The following ADAP1 variants were observed in gnomAD, a reference collection of about 807,000 sequenced individuals.
ADAP1 encodes the protein ArfGAP with dual PH domains 1, also known as arf-GAP with dual PH domain-containing protein 1.
Under a neutral mutation model 54.9 loss-of-function variants are expected in ADAP1, and 31 were observed. That is an observed-to-expected ratio of 0.56 (90% CI 0.42 to 0.76). ADAP1 has a LOEUF of 0.76. Ranked by LOEUF, ADAP1 falls within the 30% of genes least tolerant of loss-of-function variation. The probability of loss-of-function intolerance (pLI) is 0.00; values close to 1 mark genes in which losing one functional copy is unlikely to be tolerated. For missense variants in ADAP1, 535 were observed against 512.4 expected (o/e 1.04, Z -0.42); for synonymous variants, 313 against 202.6 (o/e 1.55, Z -4.63).
Position 935,321 on chromosome 7 carries a change from G to A in ADAP1, c.213+54C>T, listed in dbSNP as rs1002849728. 131 of 1,535,632 alleles carry A rather than the reference G, an allele frequency of 8.5e-5. 1 individual carries two copies. In the East Asian group the frequency reaches 2.4e-3, roughly 28 times the overall value. ...CCGGCATCTCTGGCTCCAGAGGCCCGGGCTGAGGCCACCCGGGGACTGCGC... is the reference window on the plus strand; with the variant it reads ...CCGGCATCTCTGGCTCCAGAGGCCCAGGCTGAGGCCACCCGGGGACTGCGC... On this transcript the variant is annotated intron_variant, in intron 2 of 10. Coordinates refer to ENST00000265846, the MANE Select transcript of ADAP1 (RefSeq NM_006869.4).
intron 4 of ADAP1, among the ~76,000 whole-genome samples, chr7:907,212 C>T (rs1845505604): frequency 6.6e-6 from 1 of 152,202 alleles, no homozygotes; most frequent in Admixed American, 6.5e-5. Flanking sequence ...GGGCATCCCC[C>T]TGGGAGCCTA....
At chr7:903,751 C>A (rs1000954841) in intron 6 of ADAP1, among the ~76,000 whole-genome samples, 1 of 152,178 alleles carries the variant, frequency 6.6e-6, no homozygotes, top group Non-Finnish European at 1.5e-5. Context: ...CCCGTAGGAC[C>A]CCAGTTCCCC....
At chr7:944,907 GGGGTGACTCT>G (rs146352250) in intron 1 of ADAP1, among the ~76,000 whole-genome samples, 3,334 of 152,212 alleles carry the variant, frequency 0.022, 101 homozygotes, top group African/African-American at 0.066. Flanking sequence ...AGAGCCCGGG[GGGGTGACTCT>G]GGGTGACTCT....
intron 2 of ADAP1, among the ~76,000 whole-genome samples, chr7:934,623 C>T (rs913578720): frequency 4.6e-5 from 7 of 152,116 alleles, no homozygotes; most frequent in African/African-American, 9.7e-5. Flanking sequence ...ACGCTCCATC[C>T]GACCTGCAGC....
chr7:935,671 T>TCCCCC (rs3215362), intron 1 of ADAP1, among the ~76,000 whole-genome samples, 166 bp from the exon 2 acceptor site: 6 of 146,506 alleles, frequency 4.1e-5, no homozygotes, highest in East Asian at 4.4e-4. Flanking sequence ...TAACCCCAGC[T>TCCCCC]CCCCCCCCGC....
chr7:943,329 A>T (rs1450428381), intron 1 of ADAP1, among the ~76,000 whole-genome samples: 2 of 9,394 alleles, frequency 2.1e-4, no homozygotes. Context: ...AGGAAGGGAG[A>T]GAGGAGGAGG....
chr7:955,303 A>C (rs974489548), upstream of ADAP1: 1 of 1,549,982 alleles, frequency 6.5e-7, no homozygotes, highest in Non-Finnish European at 8.7e-7. Flanking sequence ...CTCTTCCCAG[A>C]CTCGCGTGCC....
Position 926,814 on chromosome 7 carries a change from C to T in ADAP1, c.214-170G>A. 2 of 737,672 alleles carry T rather than the reference C, an allele frequency of 2.7e-6. No individual in the cohort carries two copies. Among genetic ancestry groups the T allele is most frequent in the Non-Finnish European group, 4.2e-6 (2 of 476,498 alleles). 45.7% of individuals were successfully genotyped at this position (737,672 alleles called of 1,614,324 possible). A position where few individuals can be genotyped will look rare whatever the true frequency, so the allele number is the denominator to read the frequency against. On this transcript the variant is annotated intron_variant, in intron 2 of 10. Coordinates refer to ENST00000265846, the MANE Select transcript of ADAP1 (RefSeq NM_006869.4). This position sits in a 1 kb window ranked among gnomAD's most constrained non-coding sequence, Gnocchi z 4.6. Reference sequence around the variant, plus strand: ...TCCTCCTGCCCCAGGGACACCATTTCTGAGTGATCGACCCTCCCCTGGGAC... The same window carrying T: ...TCCTCCTGCCCCAGGGACACCATTTTTGAGTGATCGACCCTCCCCTGGGAC...
intron 4 of ADAP1, among the ~76,000 whole-genome samples, chr7:917,690 G>C (rs563003970): frequency 1.3e-5 from 2 of 152,108 alleles, no homozygotes; most frequent in African/African-American, 2.4e-5. Flanking sequence ...TCTCGAACTC[G>C]TGGTCTCAAG....
intron 1 of ADAP1, among the ~76,000 whole-genome samples, chr7:942,313 AGAG>A (rs1412539855): frequency 2.5e-5 from 3 of 121,482 alleles, no homozygotes; most frequent in African/African-American, 6.3e-5. Flanking sequence ...GAGGAGGAAG[AGAG>A]GAGGAGGAAG....
intron 1 of ADAP1, among the ~76,000 whole-genome samples, chr7:949,775 C>T (rs1847225068): frequency 6.6e-6 from 1 of 150,386 alleles, no homozygotes; most frequent in Admixed American, 6.6e-5. Flanking sequence ...CAGCTCATCG[C>T]CCACACCAGC....
At chr7:902,475 A>AAAATGCCTGGGC (rs1491159593) in intron 6 of ADAP1, among the ~76,000 whole-genome samples, 21 of 142,348 alleles carry the variant, frequency 1.5e-4, no homozygotes, top group East Asian at 2.1e-4. Context: ...AAAAAAAGAA[A>AAAATGCCTGGGC]GAAAAGAAAG....
At chr7:900,288 G>A (rs1429123634) in intron 7 of ADAP1, 124 bp from the exon 8 acceptor site, 2 of 1,199,656 alleles carry the variant, frequency 1.7e-6, no homozygotes, top group Non-Finnish European at 1.2e-6. Flanking sequence ...GCCTGGCTTA[G>A]CCTCCGCAGG....
intron 1 of ADAP1, among the ~76,000 whole-genome samples, chr7:952,658 A>G (rs1847299523): frequency 6.6e-6 from 1 of 152,094 alleles, no homozygotes; most frequent in Admixed American, 6.5e-5. Flanking sequence ...CCCCTAAGAC[A>G]GCTCCCTTTG....
chr7:911,031 G>A (rs551403992), intron 4 of ADAP1, among the ~76,000 whole-genome samples: 5 of 152,228 alleles, frequency 3.3e-5, no homozygotes, highest in South Asian at 4.2e-4. Context: ...GTCCACCCAC[G>A]CTCTCCGACC....
intron 1 of ADAP1, among the ~76,000 whole-genome samples, chr7:936,303 C>T (rs947296580): frequency 3.3e-5 from 5 of 152,066 alleles, no homozygotes; most frequent in Non-Finnish European, 4.4e-5. Context: ...CGGGTTCAAG[C>T]GATTCTCCTG....
chr7:926,716 G>T lies in ADAP1; in HGVS notation c.214-72C>A. On this transcript the variant is annotated intron_variant, in intron 2 of 10. Coordinates refer to ENST00000265846, the MANE Select transcript of ADAP1 (RefSeq NM_006869.4). The surrounding 1 kb of genome is among the most constrained non-coding windows in gnomAD (Gnocchi z 4.6). ...AGCCTAGGAGGTGCCAGCTGCCCTT[G>T]GGGCCGTCACCACAGTGACCCGCAG... 7.8e-7 allele frequency: 1 copy of T among 1,286,344 alleles called. No homozygotes were observed. The highest frequency in any genetic ancestry group is 1.1e-6 in the Non-Finnish European group (1 of 950,170). 79.7% of individuals were successfully genotyped at this position (1,286,344 alleles called of 1,614,324 possible).
chr7:903,738 C>CT (rs1451248333), intron 6 of ADAP1, among the ~76,000 whole-genome samples: 1 of 152,138 alleles, frequency 6.6e-6, no homozygotes, highest in African/African-American at 2.4e-5. Context: ...TCCACATCTC[C>CT]TCCCCGTAGG....
At chr7:942,051 A>C (rs1846952156) in intron 1 of ADAP1, among the ~76,000 whole-genome samples, 1 of 152,224 alleles carries the variant, frequency 6.6e-6, no homozygotes, top group South Asian at 2.1e-4. Context: ...GAGAGAGCGA[A>C]CAATCTTTCC....
Sources: gnomAD v4.1 joint callset for allele counts (sites outside exome capture counted in the v4.1 genomes callset) on GRCh38, gnomAD v4.1.1 for gene constraint, Gnocchi (gnomAD v3.1) non-coding constraint, MANE v1.5 for transcripts, NCBI Gene and HGNC (gene_info 2026-07-23, HGNC 2026-07-21) for gene names.